PLTP: variants seen among roughly 807,000 people sequenced by gnomAD.
The protein encoded by PLTP is phospholipid transfer protein, also known as BPI fold containing family E.
Under a neutral mutation model 54.1 loss-of-function variants are expected in PLTP, and 43 were observed. The ratio of observed to expected loss-of-function variants is 0.79; its 90% CI spans 0.62 to 1.02. The LOEUF (loss-of-function observed/expected upper bound fraction) is 1.02. Ranked by LOEUF, PLTP falls within the 50% of genes least tolerant of loss-of-function variation. The pLI, the probability that PLTP is intolerant of heterozygous loss-of-function variation, is 0.00. For missense variants in PLTP, 604 were observed against 645.9 expected (o/e 0.94, Z 0.70); for synonymous variants, 263 against 264.6 (o/e 0.99, Z 0.06).
At chr20:45,907,646 T>G in intron 7 of PLTP, 46 bp downstream of exon 7, 1 of 1,563,754 alleles carries the variant, frequency 6.4e-7, no homozygotes, top group Non-Finnish European at 8.8e-7. Context: ...TGCTCTGAGG[T>G]GCTGCATGAC....
intron 10 of PLTP, among the ~76,000 whole-genome samples, chr20:45,903,530 A>G (rs1011410931): frequency 3.3e-5 from 5 of 152,070 alleles, no homozygotes; most frequent in Non-Finnish European, 5.9e-5. Flanking sequence ...GTGCCTGGCC[A>G]TATCTTCTTT....
Position 45,904,789 on chromosome 20 carries a change from C to T in PLTP, c.942+11G>A. 1.2e-6 allele frequency: 2 copies of T among 1,614,128 alleles called. No homozygotes were observed. Among genetic ancestry groups the T allele is most frequent in the South Asian group, 2.2e-5 (2 of 91,088 alleles). On this transcript the variant is annotated intron_variant, in intron 10 of 15. Transcript: ENST00000372431. Reference sequence around the variant, plus strand: ...GCAGGTGGCCCTATCCCTGCCCCCGCCAGCACTCACCAGCAGGACAATGCT... The same window carrying T: ...GCAGGTGGCCCTATCCCTGCCCCCGTCAGCACTCACCAGCAGGACAATGCT...
At chr20:45,903,494 T>G (rs577691579) in intron 10 of PLTP, among the ~76,000 whole-genome samples, 1 of 152,216 alleles carries the variant, frequency 6.6e-6, no homozygotes, top group South Asian at 2.1e-4. Flanking sequence ...CCTCCCACAG[T>G]GTTGGGATTA....
At chr20:45,910,720 T>C (rs2083282097) in intron 3 of PLTP, among the ~76,000 whole-genome samples, 1 of 151,502 alleles carries the variant, frequency 6.6e-6, no homozygotes, top group Non-Finnish European at 1.5e-5. Flanking sequence ...TTTGCCTCCA[T>C]CACCTAAGCT....
chr20:45,905,157 G>C (rs1469439456), intron 8 of PLTP, 39 bp from the exon 9 acceptor site: 12 of 1,593,710 alleles, frequency 7.5e-6, no homozygotes, highest in African/African-American at 1.3e-5. Context: ...AAGGCAGACT[G>C]GCCTGGCACC....
chr20:45,907,652 A>C (rs755596342), intron 7 of PLTP, 40 bp downstream of exon 7: 154 of 1,582,156 alleles, frequency 9.7e-5, no homozygotes, highest in Non-Finnish European at 1.3e-4. Context: ...GAGGTGCTGC[A>C]TGACAGCTGC....
Position 45,901,331 on chromosome 20 carries a change from C to G in PLTP, c.1175+936G>C, listed in dbSNP as rs148683196. On this transcript the variant is annotated intron_variant, in intron 12 of 15. Coordinates refer to ENST00000372431, the MANE Select transcript of PLTP (RefSeq NM_006227.4). ...AGACAAAATGGGCTGGGTGCGGTGG[C>G]TCACGCCTGTAATCCTAGCACTTTG... is the stretch of plus-strand genomic sequence containing the variant. Among the ~76,000 whole-genome samples, 413 of 152,296 alleles carry G rather than the reference C, an allele frequency of 2.7e-3. 3 individuals carry two copies. The highest frequency in any genetic ancestry group is 9.3e-3 in the African/African-American group (388 of 41,568).
At chr20:45,900,939 A>G (rs2083179033) in intron 12 of PLTP, among the ~76,000 whole-genome samples, 1 of 152,200 alleles carries the variant, frequency 6.6e-6, no homozygotes, top group Non-Finnish European at 1.5e-5. Flanking sequence ...GCACTAATTT[A>G]TAGATGAGGA....
chr20:45,909,624 C>A lies in PLTP; in HGVS notation c.377G>T (p.Arg126Leu), dbSNP rs200174772. Residue 126 changes from arginine (R) to leucine (L), a missense_variant, in exon 5 of 16, where the codon CGC (arginine) becomes CTC (leucine). Arg to Leu is a moderately radical substitution (Grantham distance 102). Coordinates refer to ENST00000372431, the MANE Select transcript of PLTP (RefSeq NM_006227.4). ...INASAEGVSI[R>L]TGLELSRDPA... ...ATCCCGGGAGAGCTCCAGACCAGTGCGGATGGACACACCCTCAGCTGAGGC... is the reference window on the plus strand; with the variant it reads ...ATCCCGGGAGAGCTCCAGACCAGTGAGGATGGACACACCCTCAGCTGAGGC... The A allele has an allele frequency of 1.9e-6, 3 of 1,614,136 alleles. No homozygotes were observed.
chr20:45,909,358 G>A (rs2083268517), intron 5 of PLTP, among the ~76,000 whole-genome samples, 158 bp downstream of exon 5: 1 of 150,882 alleles, frequency 6.6e-6, no homozygotes, highest in Admixed American at 6.6e-5. Context: ...GAGGCACCAA[G>A]CTTCAGTGAC....
chr20:45,902,285 G>A lies in PLTP; in HGVS notation c.1157C>T (p.Thr386Met), dbSNP rs781771799. ...KMALRGKALR[T>M]QLDLRRFRIY... ...TGCCTACCTGCGCAGGTCCAGCTGC[G>A]TGCGCAGGGCCTTCCCCCGGAGAGC... is the stretch of plus-strand genomic sequence containing the variant. The change falls in exon 12 of 16, where the codon ACG (threonine) becomes ATG (methionine). Residue 386 changes from threonine (T) to methionine (M), a missense_variant. Transcript: ENST00000372431. The A allele has an allele frequency of 1.1e-5, 18 of 1,614,050 alleles. No individual in the cohort carries two copies. The highest frequency in any genetic ancestry group is 2.2e-5 in the South Asian group (2 of 91,086).
chr20:45,899,609 A>G lies in PLTP; in HGVS notation c.1282+13T>C. 2 of 1,613,080 alleles carry G rather than the reference A, an allele frequency of 1.2e-6. No individual in the cohort carries two copies. Among genetic ancestry groups the G allele is most frequent in the East Asian group, 2.2e-5 (1 of 44,844 alleles). On this transcript the variant is annotated intron_variant, in intron 14 of 15. Transcript: ENST00000372431. ...CCCTCCTTTCTTCCTCCATCCTCAC[A>G]CCCCAGCCTTACCATTGAGCATGGG...
intron 10 of PLTP, among the ~76,000 whole-genome samples, chr20:45,903,230 G>A (rs1265220904): frequency 7.0e-6 from 1 of 142,880 alleles, no homozygotes; most frequent in Non-Finnish European, 1.5e-5. Context: ...TTGAGACAGG[G>A]TCTCTGTTGC....
intron 15 of PLTP, 76 bp downstream of exon 15, chr20:45,899,386 C>A: frequency 6.8e-7 from 1 of 1,470,554 alleles, no homozygotes; most frequent in South Asian, 1.1e-5. Context: ...GAGCTGGGGT[C>A]AGGTAATGGA....
chr20:45,909,779 T>A, intron 4 of PLTP, 108 bp from the exon 5 acceptor site: 1 of 1,446,482 alleles, frequency 6.9e-7, no homozygotes, highest in Non-Finnish European at 9.7e-7. Flanking sequence ...CCACACATCC[T>A]ACCAAACCTT....
intron 1 of PLTP, chr20:45,911,720 G>A (rs1463017707): frequency 3.5e-6 from 2 of 564,714 alleles, no homozygotes; most frequent in Non-Finnish European, 3.2e-6. Flanking sequence ...CTACCGCCGC[G>A]TGATGAGTTT....
rs778265326 is a variant in PLTP at position 45,909,941 on chromosome 20, C to A, written c.329+1G>T. 43 of 1,613,950 alleles carry A rather than the reference C, an allele frequency of 2.7e-5. No homozygotes were observed. The highest frequency in any genetic ancestry group is 3.6e-5 in the Non-Finnish European group (43 of 1,180,002). On this transcript the variant is annotated splice_donor_variant, in intron 4 of 15. Transcript: ENST00000372431. LOFTEE classifies it high-confidence loss of function. ...CTCCCCTGAGGGTGCTGGGTCCTTACAAGAACCAGTAGAGCAGCTGTCTCC... is the reference window on the plus strand; with the variant it reads ...CTCCCCTGAGGGTGCTGGGTCCTTAAAAGAACCAGTAGAGCAGCTGTCTCC...
chr20:45,899,961 G>A (rs923862113), intron 12 of PLTP, 83 bp from the exon 13 acceptor site: 2 of 1,234,086 alleles, frequency 1.6e-6, no homozygotes, highest in Middle Eastern at 3.8e-4. Flanking sequence ...TGCCAGAGGT[G>A]TCTGAGTTGC....
intron 12 of PLTP, among the ~76,000 whole-genome samples, chr20:45,902,050 AT>A (rs2083189920): frequency 6.6e-6 from 1 of 152,140 alleles, no homozygotes; most frequent in Non-Finnish European, 1.5e-5. Context: ...TGCTGGACCC[AT>A]TTGTTCATCT....
Sources: gnomAD v4.1 joint callset for allele counts (sites outside exome capture counted in the v4.1 genomes callset) on GRCh38, gnomAD v4.1.1 for gene constraint, MANE v1.5 for transcripts, NCBI Gene and HGNC (gene_info 2026-07-23, HGNC 2026-07-21) for gene names.